The following ARHGAP24 variants were observed in gnomAD, a reference collection of about 807,000 sequenced individuals.
ARHGAP24 encodes the protein rho GTPase-activating protein 24.
A neutral mutation model predicts 76.4 loss-of-function variants in ARHGAP24; 50 were observed. The observed-to-expected ratio is 0.65, with a 90% CI of 0.52 to 0.83. The LOEUF is 0.83. ARHGAP24 is among the 40% of genes least tolerant of loss of function. The pLI is 0.00. For synonymous variants in ARHGAP24, 345 were observed against 323.3 expected (o/e 1.07, Z -0.72); for missense variants, 930 against 914.2 (o/e 1.02, Z -0.22).
At chr4:85,500,741 A>C (rs1560510259) in intron 1 of ARHGAP24, among the ~76,000 whole-genome samples, 2 of 152,144 alleles carry the variant, frequency 1.3e-5, no homozygotes, top group Non-Finnish European at 2.9e-5. Context: ...TGATACTTTA[A>C]GTTCTAGGGT....
At chr4:85,697,886 G>A (rs539630428) in intron 2 of ARHGAP24, among the ~76,000 whole-genome samples, 1 of 152,286 alleles carries the variant, frequency 6.6e-6, no homozygotes, top group African/African-American at 2.4e-5. Flanking sequence ...TAAAATTAAA[G>A]TTAGGGGCAC....
chr4:85,864,429 A>G (rs1732075424), intron 3 of ARHGAP24, among the ~76,000 whole-genome samples: 1 of 152,032 alleles, frequency 6.6e-6, no homozygotes, highest in Non-Finnish European at 1.5e-5. Flanking sequence ...AGAAAACAGT[A>G]CAGTTATGTT....
In ARHGAP24 at chr4:85,894,988, ACAAAAC is replaced by A. The variant is rs1560701696; in HGVS notation, c.269-28659_269-28654del. 5.0e-3 allele frequency among the ~76,000 whole-genome samples: 86 copies of A among 17,152 alleles called. 2 individuals are homozygous for A. The highest frequency in any genetic ancestry group is 8.7e-3 in the East Asian group (7 of 804). The allele number at this position is 17,152 out of a possible 152,430, so 11.3% of individuals were successfully genotyped here. ...AAAAAAAAAAAAAAAAAAAAAAAAA[ACAAAAC>A]AAAAAGCAAAAAAAAAAAAAAAAAA... On this transcript the variant is annotated intron_variant, in intron 3 of 9. Coordinates refer to ENST00000395184, the MANE Select transcript of ARHGAP24 (RefSeq NM_001025616.3).
intron 3 of ARHGAP24, among the ~76,000 whole-genome samples, chr4:85,741,696 T>G (rs1478306383): frequency 6.6e-6 from 1 of 152,154 alleles, no homozygotes; most frequent in Non-Finnish European, 1.5e-5. Context: ...TGGCTGGAAG[T>G]TGAGAGAGAA....
intron 3 of ARHGAP24, 70 bp from the exon 4 acceptor site, chr4:85,923,578 T>C: frequency 6.2e-7 from 1 of 1,605,116 alleles, no homozygotes; most frequent in Non-Finnish European, 8.5e-7. Flanking sequence ...GTTTCAGGGG[T>C]TCTTCTGGAG....
intron 3 of ARHGAP24, among the ~76,000 whole-genome samples, chr4:85,772,666 A>T (rs1251760166): frequency 6.6e-6 from 1 of 152,192 alleles, no homozygotes; most frequent in Non-Finnish European, 1.5e-5. Flanking sequence ...TATCAAGAGG[A>T]ATTTGATGAA....
At chr4:85,825,695 G>T (rs771572945) in intron 3 of ARHGAP24, among the ~76,000 whole-genome samples, 44 of 152,070 alleles carry the variant, frequency 2.9e-4, no homozygotes, top group Non-Finnish European at 5.9e-4. Flanking sequence ...TCTGCATCCT[G>T]CAATGAATTC....
chr4:85,625,129 G>T (rs1720892484), intron 2 of ARHGAP24, among the ~76,000 whole-genome samples: 1 of 152,046 alleles, frequency 6.6e-6, no homozygotes, highest in African/African-American at 2.4e-5. Flanking sequence ...GAATGTGTTT[G>T]CTCTTGCTTT....
chr4:85,828,675 G>A (rs2110132498), intron 3 of ARHGAP24, among the ~76,000 whole-genome samples: 1 of 152,254 alleles, frequency 6.6e-6, no homozygotes, highest in Middle Eastern at 3.4e-3. Context: ...CAACTGCTAT[G>A]TAAGCTTGTA....
At chr4:85,565,552 G>A (rs1186455078) in intron 1 of ARHGAP24, among the ~76,000 whole-genome samples, 1 of 152,170 alleles carries the variant, frequency 6.6e-6, no homozygotes, top group Non-Finnish European at 1.5e-5. Context: ...AACTGACACT[G>A]ATTGAAAGCA....
At chr4:85,932,977 C>T (rs932167727) in intron 4 of ARHGAP24, among the ~76,000 whole-genome samples, 1 of 152,174 alleles carries the variant, frequency 6.6e-6, no homozygotes, top group African/African-American at 2.4e-5. Context: ...CGCACAGGAG[C>T]TTTACATCTT....
chr4:85,915,935 C>T (rs1735360403), intron 3 of ARHGAP24, among the ~76,000 whole-genome samples: 1 of 152,116 alleles, frequency 6.6e-6, no homozygotes, highest in South Asian at 2.1e-4. Context: ...GGTATATACC[C>T]AGTAATGGGG....
At chr4:85,839,829 C>CT (rs1457889026) in intron 3 of ARHGAP24, among the ~76,000 whole-genome samples, 2 of 131,182 alleles carry the variant, frequency 1.5e-5, no homozygotes, top group Non-Finnish European at 3.3e-5. Context: ...TACCAAGTGT[C>CT]TTTTTTCTGT....
intron 2 of ARHGAP24, among the ~76,000 whole-genome samples, chr4:85,634,186 A>ACC (rs1262686764): frequency 3.2e-4 from 48 of 152,052 alleles, no homozygotes; most frequent in Middle Eastern, 3.4e-3. Context: ...GGGAAATAAA[A>ACC]AGATAACTTG....
intron 3 of ARHGAP24, among the ~76,000 whole-genome samples, chr4:85,788,534 A>C (rs556151416): frequency 6.6e-6 from 1 of 152,318 alleles, no homozygotes; most frequent in East Asian, 1.9e-4. Context: ...GGTCTTGACC[A>C]TAGAGGTGAG....
intron 1 of ARHGAP24, among the ~76,000 whole-genome samples, chr4:85,496,756 A>G (rs1560508988): frequency 6.6e-6 from 1 of 152,230 alleles, no homozygotes; most frequent in African/African-American, 2.4e-5. Flanking sequence ...CGAGTTTTGT[A>G]GATGTCTAAC....
intron 2 of ARHGAP24, among the ~76,000 whole-genome samples, chr4:85,655,792 TAGAGAGAGAGAGAGAGAGAGAGAGAAAG>T (rs1287836771): frequency 2.7e-5 from 1 of 37,702 alleles, no homozygotes; most frequent in South Asian, 1.1e-3. Context: ...TATATATATA[TAGAGAGAGAGAGAGAGAGAGAGAGAAAG>T]AGAGAGAGAG....
intron 5 of ARHGAP24, among the ~76,000 whole-genome samples, chr4:85,945,782 A>G (rs1230474645): frequency 2.0e-5 from 3 of 150,952 alleles, no homozygotes; most frequent in Non-Finnish European, 2.9e-5. Context: ...AAAAAAAATT[A>G]TACATGAAAA....
intron 2 of ARHGAP24, among the ~76,000 whole-genome samples, chr4:85,660,231 G>A (rs1010027586): frequency 6.6e-6 from 1 of 152,128 alleles, no homozygotes; most frequent in African/African-American, 2.4e-5. Context: ...CCTGCCCGCC[G>A]TGAAGCAAGG....
Sources: allele counts gnomAD v4.1 joint callset (sites outside exome capture counted in the v4.1 genomes callset), GRCh38; gene constraint gnomAD v4.1.1; transcripts MANE v1.5; gene names NCBI Gene and HGNC (gene_info 2026-07-23, HGNC 2026-07-21).